Variants in ADCY8 observed in about 807,000 individuals in gnomAD.
ADCY8 encodes the protein adenylate cyclase type 8.
In ADCY8, 51 loss-of-function variants were observed where a neutral mutation model predicts 119.7. That is an observed-to-expected ratio of 0.43 (90% CI 0.34 to 0.54). ADCY8 has a LOEUF of 0.54. ADCY8 is among the 20% of genes least tolerant of loss of function. The probability of loss-of-function intolerance (pLI) is 0.03; values close to 1 mark genes in which losing one functional copy is unlikely to be tolerated. For missense variants in ADCY8, 1,383 were observed against 1,598.8 expected, an observed-to-expected ratio of 0.87 and a Z score of 2.30; for synonymous variants, 665 against 651.0, an observed-to-expected ratio of 1.02 and a Z score of -0.33.
chr8:130,851,993 G>C (rs549783200), intron 9 of ADCY8, among the ~76,000 whole-genome samples: 15 of 152,292 alleles, frequency 9.8e-5, no homozygotes, highest in African/African-American at 3.4e-4. Context: ...CCCAAGGATA[G>C]TGTGTACAGC....
At chr8:130,828,623 C>A (rs925748511) in intron 12 of ADCY8, among the ~76,000 whole-genome samples, 3 of 152,158 alleles carry the variant, frequency 2.0e-5, no homozygotes, top group Admixed American at 6.5e-5. Context: ...CCTTTTTGTG[C>A]CCCTCTACTA....
rs374128930 is a variant in ADCY8, at chr8:130,916,633, G to C, written c.1482-6767C>G. ...TGGAAGATTGTGGGTTTACGGGAAT[G>C]AGGGCAAGGAACACCTGGCCCACCC... is the stretch of plus-strand genomic sequence containing the variant. On this transcript the variant is annotated intron_variant, in intron 5 of 17. Coordinates refer to ENST00000286355, the MANE Select transcript of ADCY8 (RefSeq NM_001115.3). Among the ~76,000 whole-genome samples, 12 of 152,348 alleles carry C rather than the reference G, an allele frequency of 7.9e-5. No individual in the cohort carries two copies. The South Asian group carries it at 2.5e-3, about 32-fold the overall frequency.
At chr8:130,947,928 G>C (rs1157350047) in intron 3 of ADCY8, among the ~76,000 whole-genome samples, 2 of 152,142 alleles carry the variant, frequency 1.3e-5, no homozygotes, top group Non-Finnish European at 2.9e-5. Flanking sequence ...CAGAGGCACT[G>C]TTCCCAGCCC....
At chr8:130,933,569 C>T (rs1227115990) in intron 5 of ADCY8, among the ~76,000 whole-genome samples, 2 of 152,158 alleles carry the variant, frequency 1.3e-5, no homozygotes, top group African/African-American at 2.4e-5. Context: ...ATAATTAATA[C>T]TGGACCTCAT....
chr8:130,924,452 A>C lies in ADCY8; in HGVS notation c.1481+12621T>G, dbSNP rs977815622. Among the ~76,000 whole-genome samples the C allele has an allele frequency of 3.3e-5, 5 of 152,206 alleles. No homozygotes were observed. The East Asian group carries it at 9.6e-4, about 29-fold the overall frequency. ...AAATGGGGGTTGCTAGGTAGAGAGC[A>C]CTAAGTAAAAATGCTGTATAAACAG... On this transcript the variant is annotated intron_variant, in intron 5 of 17. Transcript: ENST00000286355.
chr8:130,849,693 G>C lies in ADCY8; in HGVS notation c.2321C>G (p.Thr774Ser). The C allele has an allele frequency of 6.2e-7, 1 of 1,614,046 alleles. No individual in the cohort carries two copies. Among genetic ancestry groups the C allele is most frequent in the East Asian group, 2.2e-5 (1 of 44,854 alleles). Residue 774 changes from threonine to serine, a missense_variant, in exon 10 of 18, where the codon ACT (threonine) becomes AGT (serine). By Grantham distance (58) the Thr-to-Ser change is moderately conservative. This residue lies in a region of ADCY8 where 928 missense variants were observed against 1,163.5 expected (regional missense o/e 0.80). Coordinates refer to ENST00000286355, the MANE Select transcript of ADCY8 (RefSeq NM_001115.3). ...YKCLPLILRKTCCWINETYLA... is the reference protein window; with the variant it reads ...YKCLPLILRKSCCWINETYLA... Reference sequence around the variant, plus strand: ...ATAGGTCTCATTAATCCAACAGCAAGTTTTCCGGAGGATGAGGGGCAAACA... The same window carrying C: ...ATAGGTCTCATTAATCCAACAGCAACTTTTCCGGAGGATGAGGGGCAAACA...
At chr8:131,011,804 C>G (rs538613106) in intron 1 of ADCY8, among the ~76,000 whole-genome samples, 1 of 152,104 alleles carries the variant, frequency 6.6e-6, no homozygotes, top group South Asian at 2.1e-4. Flanking sequence ...CTCTACCCCC[C>G]AGAAGCTGAT....
At chr8:130,785,889 C>T (rs1266310190) in intron 15 of ADCY8, among the ~76,000 whole-genome samples, 2 of 152,186 alleles carry the variant, frequency 1.3e-5, no homozygotes, top group African/African-American at 2.4e-5. Context: ...TCCCCTTTGC[C>T]CCTTGCCACA....
intron 2 of ADCY8, among the ~76,000 whole-genome samples, chr8:130,965,347 G>A (rs1023000464): frequency 2.0e-5 from 3 of 152,132 alleles, no homozygotes; most frequent in African/African-American, 7.2e-5. Context: ...GAGGATGGAG[G>A]GGGAAACGTG....
At chr8:130,939,693 T>C (rs572229933) in intron 4 of ADCY8, among the ~76,000 whole-genome samples, 1 of 152,210 alleles carries the variant, frequency 6.6e-6, no homozygotes, top group Admixed American at 6.5e-5. Flanking sequence ...TCCTCATATG[T>C]GACAAGTGCC....
At position 130,867,733 on chromosome 8, in the gene ADCY8, G is replaced by A. The variant is rs75008486; in HGVS notation, c.2210+113C>T. On this transcript the variant is annotated intron_variant, in intron 9 of 17. Transcript: ENST00000286355. Reference sequence around the variant, plus strand: ...GATACTGTCAAACATTTTGGTATGCGTCCTGGACTCAGTTATTTTAAATTC... The same window carrying A: ...GATACTGTCAAACATTTTGGTATGCATCCTGGACTCAGTTATTTTAAATTC... The A allele has an allele frequency of 4.1e-3, 2,751 of 677,944 alleles. 56 individuals are homozygous for A. In the African/African-American group the frequency reaches 0.045, roughly 11 times the overall value. 42.0% of individuals were successfully genotyped at this position (677,944 alleles called of 1,614,324 possible).
At chr8:130,856,132 G>C (rs540460146) in intron 9 of ADCY8, among the ~76,000 whole-genome samples, 5 of 151,906 alleles carry the variant, frequency 3.3e-5, no homozygotes, top group African/African-American at 1.2e-4. Context: ...AGCTGTCACT[G>C]TCATCTCCTC....
intron 5 of ADCY8, among the ~76,000 whole-genome samples, chr8:130,929,929 T>G (rs530512035): frequency 2.0e-4 from 30 of 152,348 alleles, no homozygotes; most frequent in African/African-American, 7.2e-4. Flanking sequence ...TAAAGTGTAT[T>G]TTATCTTGCA....
At chr8:130,783,450 A>G (rs546588884) in intron 17 of ADCY8, among the ~76,000 whole-genome samples, 1 of 152,350 alleles carries the variant, frequency 6.6e-6, no homozygotes, top group African/African-American at 2.4e-5. Context: ...GCATTTGCCA[A>G]AGGCTGGCTG....
At chr8:130,875,977 A>G (rs914837320) in intron 8 of ADCY8, among the ~76,000 whole-genome samples, 1 of 152,240 alleles carries the variant, frequency 6.6e-6, no homozygotes, top group Non-Finnish European at 1.5e-5. Context: ...TAGTTATCAT[A>G]ATATAAAACT....
At chr8:130,987,688 T>A (rs909363691) in intron 2 of ADCY8, among the ~76,000 whole-genome samples, 5 of 152,166 alleles carry the variant, frequency 3.3e-5, no homozygotes, top group African/African-American at 9.7e-5. Context: ...GGGTATAGAA[T>A]TTTTAACAAT....
At chr8:130,839,561 GC>G (rs892289693) in intron 11 of ADCY8, among the ~76,000 whole-genome samples, 2 of 140,390 alleles carry the variant, frequency 1.4e-5, no homozygotes, top group African/African-American at 4.9e-5. Context: ...CTTTGTGAAA[GC>G]TTTGTGAAAA....
chr8:131,024,446 A>T (rs1041414754), intron 1 of ADCY8, among the ~76,000 whole-genome samples: 3 of 152,194 alleles, frequency 2.0e-5, no homozygotes, highest in African/African-American at 7.2e-5. Flanking sequence ...AGGCTACCTT[A>T]TCTATTTCCT....
chr8:130,781,024 G>C (rs1051100652), intron 17 of ADCY8, 147 bp from the exon 18 acceptor site: 1 of 1,061,464 alleles, frequency 9.4e-7, no homozygotes, highest in Non-Finnish European at 1.4e-6. Flanking sequence ...TCACTTATTA[G>C]ATGTATCACC....
Sources: gnomAD v4.1 joint callset for allele counts (sites outside exome capture counted in the v4.1 genomes callset) on GRCh38, gnomAD v4.1.1 for gene constraint, gnomAD v4.1.1 regional missense constraint, MANE v1.5 for transcripts, NCBI Gene and HGNC (gene_info 2026-07-23, HGNC 2026-07-21) for gene names.